Variants in ATP9B observed in about 807,000 individuals in gnomAD.
ATP9B encodes ATPase phospholipid transporting 9B, also known as probable phospholipid-transporting ATPase IIB.
ATP9B carries 110 observed loss-of-function variants against 146.1 expected under a neutral mutation model. The ratio of observed to expected loss-of-function variants is 0.75; its 90% confidence interval spans 0.65 to 0.88. ATP9B has a LOEUF of 0.88. Ranked by LOEUF, ATP9B falls within the 40% of genes least tolerant of loss-of-function variation. The pLI, the probability that ATP9B is intolerant of heterozygous loss-of-function variation, is 0.00. For missense variants in ATP9B, 1,499 were observed against 1,496.4 expected (o/e 1.00, Z -0.03); for synonymous variants, 604 against 569.7 (o/e 1.06, Z -0.86).
At chr18:79,279,390 C>A (rs1304017765) in intron 13 of ATP9B, among the ~76,000 whole-genome samples, 1 of 152,180 alleles carries the variant, frequency 6.6e-6, no homozygotes, top group Non-Finnish European at 1.5e-5. Flanking sequence ...TTACAAACAA[C>A]TTAGTCTTCA....
chr18:79,246,431 C>T (rs923386452), intron 11 of ATP9B, among the ~76,000 whole-genome samples: 3 of 152,212 alleles, frequency 2.0e-5, no homozygotes, highest in Non-Finnish European at 4.4e-5. Context: ...ACAGCATTTC[C>T]GAGGTCCTGT....
At chr18:79,223,961 T>A (rs139139891) in intron 11 of ATP9B, among the ~76,000 whole-genome samples, 99 of 152,240 alleles carry the variant, frequency 6.5e-4, no homozygotes, top group Non-Finnish European at 1.3e-3. Context: ...GTGCTCCAAA[T>A]AAAAAATGCA....
rs567124868 is a variant in ATP9B at position 79,122,871 on chromosome 18, A to G, written c.559-3396A>G. On this transcript the variant is annotated intron_variant, in intron 4 of 29. Coordinates refer to ENST00000426216, the MANE Select transcript of ATP9B (RefSeq NM_198531.5). ...TGTCATAACTTGTTACCAGCTTTGAAGAAACTGGCCATCATTCCCTATTGT... is the reference window on the plus strand; with the variant it reads ...TGTCATAACTTGTTACCAGCTTTGAGGAAACTGGCCATCATTCCCTATTGT... Among the ~76,000 whole-genome samples, 221 of 152,306 alleles carry G rather than the reference A, an allele frequency of 1.5e-3. 3 individuals are homozygous for G. The highest frequency in any genetic ancestry group is 5.0e-3 in the African/African-American group (208 of 41,588).
chr18:79,213,457 CTAT>C (rs1473126498), intron 10 of ATP9B, among the ~76,000 whole-genome samples: 2 of 151,930 alleles, frequency 1.3e-5, no homozygotes, highest in African/African-American at 2.4e-5. Flanking sequence ...TATAATATTT[CTAT>C]TATTTTAATT....
intron 26 of ATP9B, among the ~76,000 whole-genome samples, chr18:79,366,722 G>A (rs1337587705): frequency 6.6e-6 from 1 of 152,240 alleles, no homozygotes; most frequent in East Asian, 1.9e-4. Flanking sequence ...AGCAAGCTCA[G>A]TGTTGCAGAT....
At chr18:79,319,874 AATTT>A (rs2096705624) in intron 15 of ATP9B, among the ~76,000 whole-genome samples, 2 of 152,170 alleles carry the variant, frequency 1.3e-5, no homozygotes, top group South Asian at 2.1e-4. Flanking sequence ...TGATTTAATT[AATTT>A]ATTATTAACC....
In ATP9B at chr18:79,359,493, C is replaced by T. The variant is rs567726781; in HGVS notation, c.3012+31C>T. 1.7e-4 allele frequency: 252 copies of T among 1,498,266 alleles called. 2 individuals carry two copies. In the South Asian group the frequency reaches 2.7e-3, roughly 16 times the overall value. The allele number at this position is 1,498,266 out of a possible 1,614,324, so 92.8% of individuals were successfully genotyped here. ...GGCCTCAGGCAAGCTGTCTGCCTCA[C>T]GACTAGCACCCACATCTAGCATTTT... On this transcript the variant is annotated intron_variant, in intron 26 of 29. Coordinates refer to ENST00000426216, the MANE Select transcript of ATP9B (RefSeq NM_198531.5).
At chr18:79,211,876 C>A (rs2148400461) in intron 10 of ATP9B, among the ~76,000 whole-genome samples, 1 of 152,288 alleles carries the variant, frequency 6.6e-6, no homozygotes, top group South Asian at 2.1e-4. Flanking sequence ...CTTGATTTTA[C>A]ACTGAAAATA....
chr18:79,266,805 A>G (rs1658761426), intron 12 of ATP9B, among the ~76,000 whole-genome samples: 1 of 152,062 alleles, frequency 6.6e-6, no homozygotes, highest in Admixed American at 6.5e-5. Flanking sequence ...ACCCCAACAT[A>G]ATGATGGTAT....
chr18:79,271,648 T>C (rs560511256), intron 12 of ATP9B, among the ~76,000 whole-genome samples: 184 of 152,342 alleles, frequency 1.2e-3, no homozygotes, highest in Middle Eastern at 3.4e-3. Context: ...CTGATGGACA[T>C]TTGGGTTGGT....
rs1191699729 is a variant in ATP9B at position 79,375,893 on chromosome 18, T to C, written c.3307+467T>C. 4 of 985,332 alleles carry C rather than the reference T, an allele frequency of 4.1e-6. No homozygotes were observed. In the African/African-American group the frequency reaches 7.0e-5, roughly 17 times the overall value. The allele number at this position is 985,332 out of a possible 1,614,324, so 61.0% of individuals were successfully genotyped here. On this transcript the variant is annotated intron_variant, in intron 29 of 29. Transcript: ENST00000426216. The stretch of plus-strand genomic sequence containing the variant: ...CATCCGGCAACAGTCTAAAGGGATT[T>C]CCACTATATGTAGATTCGAAGTATG...
intron 15 of ATP9B, among the ~76,000 whole-genome samples, chr18:79,322,617 A>G (rs976362867): frequency 8.5e-5 from 13 of 152,268 alleles, no homozygotes; most frequent in African/African-American, 3.1e-4. Context: ...GAATTTCCAG[A>G]CAGCAGTTTC....
chr18:79,126,285 AC>A lies in ATP9B; in HGVS notation c.578del (p.Thr193IlefsTer2). 6.2e-7 allele frequency: 1 copy of A among 1,612,092 alleles called. No individual in the cohort carries two copies. The highest frequency in any genetic ancestry group is 8.5e-7 in the Non-Finnish European group (1 of 1,178,594). The part of the protein sequence containing the change: ...WAPLGFVLAV[T>X]MTREAIDEFR... Reference sequence around the variant, plus strand: ...TTTATAGGGATTTGTCTTGGCTGTTACTATGACACGGGAAGCAATTGATGAA... The same window carrying A: ...TTTATAGGGATTTGTCTTGGCTGTTATATGACACGGGAAGCAATTGATGAA... On this transcript the variant is annotated frameshift_variant, in exon 5 of 30. Transcript: ENST00000426216. LOFTEE classifies it high-confidence loss of function.
At chr18:79,244,857 A>G (rs2095927314) in intron 11 of ATP9B, among the ~76,000 whole-genome samples, 1 of 152,230 alleles carries the variant, frequency 6.6e-6, no homozygotes, top group African/African-American at 2.4e-5. Flanking sequence ...AAAGAAAGCC[A>G]TGGTCTTCCC....
intron 13 of ATP9B, among the ~76,000 whole-genome samples, chr18:79,298,640 CAAA>C (rs2096569287): frequency 6.8e-6 from 1 of 146,764 alleles, no homozygotes; most frequent in African/African-American, 2.5e-5. Context: ...GTGACTTTGA[CAAA>C]GAAGAAAGTT....
chr18:79,257,920 C>A (rs985881624), intron 12 of ATP9B, among the ~76,000 whole-genome samples: 1 of 152,290 alleles, frequency 6.6e-6, no homozygotes, highest in South Asian at 2.1e-4. Context: ...GTATCTAGGG[C>A]ACCTCTGTCT....
chr18:79,144,049 AG>A, intron 6 of ATP9B, 189 bp downstream of exon 6: 1 of 422,996 alleles, frequency 2.4e-6, no homozygotes, highest in South Asian at 5.9e-5. Flanking sequence ...AGTATATTTC[AG>A]TGTGTGCAGG....
chr18:79,352,871 A>G (rs997631505), intron 25 of ATP9B: 3 of 152,238 alleles, frequency 2.0e-5, no homozygotes, highest in South Asian at 2.1e-4. Context: ...TCTTCTAAAC[A>G]TAGTACTAAT....
rs558307341 is a variant in ATP9B at position 79,099,520 on chromosome 18, C to T, written c.293+2871C>T. Among the ~76,000 whole-genome samples the T allele has an allele frequency of 1.7e-4, 26 of 152,294 alleles. No individual in the cohort carries two copies. In the South Asian group the frequency reaches 5.2e-3, roughly 30 times the overall value. On this transcript the variant is annotated intron_variant, in intron 2 of 29. Transcript: ENST00000426216. ...ACAGGCGTGAGCCACCGTCCCTGGG[C>T]CCAAATATTTTCTAATTTCCATTGT... is the stretch of plus-strand genomic sequence containing the variant.
Sources: allele counts gnomAD v4.1 joint callset (sites outside exome capture counted in the v4.1 genomes callset), GRCh38; gene constraint gnomAD v4.1.1; transcripts MANE v1.5; gene names NCBI Gene and HGNC (gene_info 2026-07-23, HGNC 2026-07-21).